Variants in PTPRD observed in about 807,000 individuals in gnomAD.
The protein encoded by PTPRD is protein tyrosine phosphatase receptor type D, also known as receptor-type tyrosine-protein phosphatase delta.
A neutral mutation model predicts 214.5 loss-of-function variants in PTPRD; 34 were observed. That is an observed-to-expected ratio of 0.16 (90% CI 0.12 to 0.21). PTPRD has a LOEUF of 0.21. Among genes scored for constraint, PTPRD ranks in the 10% least tolerant of loss-of-function variants. The pLI is 1.00. For synonymous variants in PTPRD, 1,128 were observed against 845.7 expected (o/e 1.33, Z -5.79); for missense variants, 2,545 against 2,398.7 (o/e 1.06, Z -1.27).
chr9:10,249,486 T>C (rs2092570517), intron 3 of PTPRD, among the ~76,000 whole-genome samples: 1 of 152,158 alleles, frequency 6.6e-6, no homozygotes, highest in Non-Finnish European at 1.5e-5. Context: ...TTGATACCAT[T>C]AGGCAAAAGC....
intron 11 of PTPRD, among the ~76,000 whole-genome samples, chr9:8,905,623 C>T (rs2098702321): frequency 6.6e-6 from 1 of 150,992 alleles, no homozygotes; most frequent in African/African-American, 2.4e-5. Context: ...CCTGTAATCT[C>T]AACTACTCAA....
intron 8 of PTPRD, among the ~76,000 whole-genome samples, chr9:9,507,571 T>C (rs1453766252): frequency 6.6e-6 from 1 of 151,462 alleles, no homozygotes; most frequent in Non-Finnish European, 1.5e-5. Flanking sequence ...AGTATGATGA[T>C]TAAGGAAGAA....
chr9:9,188,095 A>C (rs1310831322), intron 9 of PTPRD, among the ~76,000 whole-genome samples: 1 of 151,974 alleles, frequency 6.6e-6, no homozygotes, highest in African/African-American at 2.4e-5. Flanking sequence ...GTAAACAAAC[A>C]CCATCTTGAC....
intron 4 of PTPRD, among the ~76,000 whole-genome samples, chr9:9,946,930 C>T (rs1185158568): frequency 6.6e-6 from 1 of 151,888 alleles, no homozygotes; most frequent in Non-Finnish European, 1.5e-5. Flanking sequence ...TTTTACAATG[C>T]AAATGACAGA....
At chr9:9,951,558 C>T (rs190199880) in intron 4 of PTPRD, among the ~76,000 whole-genome samples, 18 of 152,318 alleles carry the variant, frequency 1.2e-4, no homozygotes, top group Middle Eastern at 3.4e-3. Context: ...CAGCACCCCC[C>T]AATGTTTCTG....
At chr9:8,631,076 T>C (rs1318393790) in intron 14 of PTPRD, among the ~76,000 whole-genome samples, 1 of 151,890 alleles carries the variant, frequency 6.6e-6, no homozygotes, top group Non-Finnish European at 1.5e-5. Flanking sequence ...ATGAGCCAGA[T>C]TTGGCTTCAA....
intron 5 of PTPRD, among the ~76,000 whole-genome samples, chr9:9,880,430 T>A (rs2068295413): frequency 6.6e-6 from 1 of 152,208 alleles, no homozygotes; most frequent in Non-Finnish European, 1.5e-5. Context: ...GTTATTTACT[T>A]TTTTAGAATT....
chr9:8,363,693 C>T (rs2079071831), intron 39 of PTPRD, among the ~76,000 whole-genome samples: 1 of 152,134 alleles, frequency 6.6e-6, no homozygotes, highest in Non-Finnish European at 1.5e-5. Context: ...GCAGGCTGAC[C>T]AATGTCCTAT....
At chr9:10,378,883 T>C (rs951141734) in intron 2 of PTPRD, among the ~76,000 whole-genome samples, 1 of 152,194 alleles carries the variant, frequency 6.6e-6, no homozygotes, top group African/African-American at 2.4e-5. Context: ...AGGGATTGTA[T>C]TGAATCTGTA....
chr9:10,144,443 C>G (rs548663564), intron 3 of PTPRD, among the ~76,000 whole-genome samples: 5 of 152,164 alleles, frequency 3.3e-5, no homozygotes, highest in Non-Finnish European at 7.4e-5. Flanking sequence ...ATTTCAGTAC[C>G]CAGGAACTTG....
chr9:10,428,855 C>T (rs968032751), intron 2 of PTPRD, among the ~76,000 whole-genome samples: 10 of 151,950 alleles, frequency 6.6e-5, no homozygotes, highest in Non-Finnish European at 8.8e-5. Flanking sequence ...TGCAGCCTGG[C>T]ATACATGTAA....
intron 3 of PTPRD, among the ~76,000 whole-genome samples, chr9:10,203,216 G>T (rs1434491225): frequency 6.8e-6 from 1 of 147,376 alleles, no homozygotes; most frequent in Non-Finnish European, 1.5e-5. Flanking sequence ...CTGGAAGGAA[G>T]TATTCATGTG....
chr9:9,669,458 A>G (rs2096784624), intron 7 of PTPRD, among the ~76,000 whole-genome samples: 1 of 152,204 alleles, frequency 6.6e-6, no homozygotes, highest in African/African-American at 2.4e-5. Flanking sequence ...GAGTTCTAAA[A>G]ACAATTTGTG....
chr9:10,278,851 T>C (rs1440113994), intron 3 of PTPRD, among the ~76,000 whole-genome samples: 1 of 152,082 alleles, frequency 6.6e-6, no homozygotes, highest in Non-Finnish European at 1.5e-5. Flanking sequence ...CTCGGCTCAC[T>C]GCAAGCTCCG....
chr9:9,131,893 G>T (rs1434370557), intron 10 of PTPRD, among the ~76,000 whole-genome samples: 1 of 151,850 alleles, frequency 6.6e-6, no homozygotes, highest in Non-Finnish European at 1.5e-5. Flanking sequence ...GTGAAATAAG[G>T]CTTTTCATGC....
chr9:9,520,441 T>A (rs1378644961), intron 8 of PTPRD, among the ~76,000 whole-genome samples: 1 of 151,938 alleles, frequency 6.6e-6, no homozygotes, highest in Non-Finnish European at 1.5e-5. Context: ...GGAAAATACA[T>A]CTCCATTAAA....
intron 3 of PTPRD, among the ~76,000 whole-genome samples, chr9:10,181,796 A>G (rs1208128783): frequency 2.0e-5 from 3 of 151,664 alleles, no homozygotes; most frequent in Non-Finnish European, 4.4e-5. Context: ...ACCTCATGCC[A>G]TATATGAAAA....
intron 3 of PTPRD, among the ~76,000 whole-genome samples, chr9:10,328,717 A>T (rs1032474609): frequency 6.6e-6 from 1 of 151,852 alleles, no homozygotes; most frequent in Non-Finnish European, 1.5e-5. Context: ...TCTATGCAGC[A>T]AAAGAATAAT....
chr9:9,877,488 G>A (rs74948115), intron 5 of PTPRD, among the ~76,000 whole-genome samples: 1,602 of 152,202 alleles, frequency 0.011, 21 homozygotes, highest in African/African-American at 0.036. Context: ...CACTGTATGA[G>A]GTGGAGATTC....
Sources: allele counts gnomAD v4.1 joint callset (sites outside exome capture counted in the v4.1 genomes callset), GRCh38; gene constraint gnomAD v4.1.1; transcripts MANE v1.5; gene names NCBI Gene and HGNC (gene_info 2026-07-23, HGNC 2026-07-21).